The following TP63 variants were observed in gnomAD, a reference collection of about 807,000 sequenced individuals.
TP63 encodes tumor protein p63.
A neutral mutation model predicts 82.8 loss-of-function variants in TP63; 17 were observed. The observed-to-expected ratio is 0.21, with a 90% CI of 0.14 to 0.31. TP63 has a LOEUF of 0.31. Ranked by LOEUF, TP63 falls within the 10% of genes least tolerant of loss-of-function variation. TP63 has a pLI of 1.00. For missense variants in TP63, 648 were observed against 895.3 expected (o/e 0.72, Z 3.52); for synonymous variants, 330 against 321.7 (o/e 1.03, Z -0.28).
At chr3:189,724,835 AT>A (rs974691745) in intron 1 of TP63, among the ~76,000 whole-genome samples, 10 of 152,312 alleles carry the variant, frequency 6.6e-5, no homozygotes, top group African/African-American at 2.4e-4. Context: ...GAACGGGGCA[AT>A]CAGCTCATGT....
chr3:189,856,366 A>C (rs544911480), intron 4 of TP63, among the ~76,000 whole-genome samples: 16 of 152,034 alleles, frequency 1.1e-4, no homozygotes, highest in Admixed American at 9.2e-4. Flanking sequence ...AGAATTAGAT[A>C]TATCAAAACT....
chr3:189,866,619 T>C (rs901934870), intron 5 of TP63, 63 bp from the exon 6 acceptor site: 1 of 1,452,164 alleles, frequency 6.9e-7, no homozygotes, highest in Non-Finnish European at 9.6e-7. Context: ...TCATGCAATT[T>C]CATTTTATTT....
At chr3:189,837,731 G>A (rs79657722) in intron 4 of TP63, among the ~76,000 whole-genome samples, 78 of 152,170 alleles carry the variant, frequency 5.1e-4, no homozygotes, top group African/African-American at 1.9e-3. Flanking sequence ...GCTCACTGTG[G>A]CCACTACCTC....
intron 4 of TP63, chr3:189,844,530 A>C (rs6789212): frequency 0.44 from 69,450 of 157,598 alleles, 16,972 homozygotes; most frequent in African/African-American, 0.68. Flanking sequence ...AGGTGATCTG[A>C]CTCGGCCTCC....
intron 4 of TP63, among the ~76,000 whole-genome samples, chr3:189,841,107 G>A (rs1192531377): frequency 6.6e-6 from 1 of 152,046 alleles, no homozygotes; most frequent in Non-Finnish European, 1.5e-5. Context: ...TTTGAACACG[G>A]CAAGGACACC....
chr3:189,602,984 A>T, the TP63 span, among the ~76,000 whole-genome samples: 2 of 152,210 alleles, frequency 1.3e-5, no homozygotes, highest in East Asian at 3.8e-4. Flanking sequence ...AAATTCATTT[A>T]TAAACTTTTA....
chr3:189,690,676 G>A (rs1716845713), intron 1 of TP63, among the ~76,000 whole-genome samples: 1 of 152,294 alleles, frequency 6.6e-6, no homozygotes, highest in East Asian at 1.9e-4. Flanking sequence ...GAGAAATGAG[G>A]AATGATGATT....
the TP63 span, among the ~76,000 whole-genome samples, chr3:189,609,926 T>C: frequency 6.6e-6 from 1 of 152,338 alleles, no homozygotes; most frequent in Non-Finnish European, 1.5e-5. Flanking sequence ...AGAATGGTAG[T>C]TCTGCTTTTA....
At chr3:189,686,856 G>A (rs572927621) in intron 1 of TP63, among the ~76,000 whole-genome samples, 3 of 151,000 alleles carry the variant, frequency 2.0e-5, no homozygotes, top group East Asian at 4.0e-4. Context: ...TCAGCCTCCC[G>A]AGTAGCTGGG....
Position 189,738,742 on chromosome 3 carries a change from A to T in TP63, c.292A>T (p.Met98Leu). The change falls in exon 3 of 14, where the codon ATG becomes TTG. Residue 98 changes from methionine to leucine, a missense_variant. Met to Leu is a conservative substitution (Grantham distance 15). Coordinates refer to ENST00000264731, the MANE Select transcript of TP63 (RefSeq NM_003722.5). ...TGAGATTAGCATGGACTGTATCCGC[A>T]TGCAGGACTCGGACCTGAGTGACCC... is the stretch of plus-strand genomic sequence containing the variant. ...KIEISMDCIRMQDSDLSDPMW... is the reference protein window; with the variant it reads ...KIEISMDCIRLQDSDLSDPMW... The T allele has an allele frequency of 6.2e-7, 1 of 1,614,158 alleles. No individual in the cohort carries two copies.
At chr3:189,762,333 C>A (rs1272968081) in intron 3 of TP63, among the ~76,000 whole-genome samples, 1 of 152,000 alleles carries the variant, frequency 6.6e-6, no homozygotes, top group African/African-American at 2.4e-5. Flanking sequence ...GTTTAAGGTT[C>A]AGGGAAACCC....
At chr3:189,641,012 G>GA (rs527321285) in intron 1 of TP63, among the ~76,000 whole-genome samples, 1 of 151,992 alleles carries the variant, frequency 6.6e-6, no homozygotes, top group Non-Finnish European at 1.5e-5. Flanking sequence ...TAGCCTCTCT[G>GA]AATTAAGTAC....
intron 1 of TP63, among the ~76,000 whole-genome samples, chr3:189,669,367 A>G (rs1714693922): frequency 6.6e-6 from 1 of 151,940 alleles, no homozygotes; most frequent in African/African-American, 2.4e-5. Context: ...AAAAAAAAAA[A>G]AGAAAAATGT....
intron 1 of TP63, among the ~76,000 whole-genome samples, chr3:189,712,947 A>G (rs1241134869): frequency 6.6e-6 from 1 of 152,108 alleles, no homozygotes; most frequent in East Asian, 1.9e-4. Flanking sequence ...ATGTCAAGTG[A>G]CATGGGGACA....
rs1330339827 is a variant in TP63, at chr3:189,631,427, C to T, written c.-89C>T. ...CATTTGACCCTATTGCTTTTAGCCT[C>T]CCGGCTTTATATCTATATATACACA... On this transcript the variant is annotated 5_prime_UTR_variant, in exon 1 of 14. Coordinates refer to ENST00000264731, the MANE Select transcript of TP63 (RefSeq NM_003722.5). 6.3e-7 allele frequency: 1 copy of T among 1,597,668 alleles called. No homozygotes were observed. Among genetic ancestry groups the T allele is most frequent in the African/African-American group, 1.4e-5 (1 of 73,974 alleles).
At chr3:189,845,322 T>G (rs1418996601) in intron 4 of TP63, among the ~76,000 whole-genome samples, 1 of 152,236 alleles carries the variant, frequency 6.6e-6, no homozygotes, top group East Asian at 1.9e-4. Context: ...AAGTCCTCAA[T>G]GTCCTTGATA....
intron 3 of TP63, among the ~76,000 whole-genome samples, chr3:189,748,071 G>A (rs62279904): frequency 0.049 from 7,398 of 151,984 alleles, 252 homozygotes; most frequent in South Asian, 0.1. Flanking sequence ...GGCTATATAT[G>A]ACTAATCCAC....
At chr3:189,640,394 C>G (rs1409607465) in intron 1 of TP63, among the ~76,000 whole-genome samples, 2 of 151,932 alleles carry the variant, frequency 1.3e-5, no homozygotes, top group Non-Finnish European at 2.9e-5. Flanking sequence ...TTTTTTAGTA[C>G]CCTATAGAGG....
At chr3:189,865,322 C>G (rs1400434760) in intron 5 of TP63, among the ~76,000 whole-genome samples, 2 of 152,100 alleles carry the variant, frequency 1.3e-5, no homozygotes, top group Admixed American at 1.3e-4. Flanking sequence ...ATCATGAAGG[C>G]CACCTTTAGA....
Sources: allele counts gnomAD v4.1 joint callset (sites outside exome capture counted in the v4.1 genomes callset), GRCh38; gene constraint gnomAD v4.1.1; transcripts MANE v1.5; gene names NCBI Gene and HGNC (gene_info 2026-07-23, HGNC 2026-07-21).